The following ARHGAP18 variants were observed in gnomAD, a reference collection of about 807,000 sequenced individuals.
ARHGAP18 encodes the protein Rho GTPase activating protein 18.
ARHGAP18 carries 67 observed loss-of-function variants against 86.2 expected under a neutral mutation model. The observed-to-expected ratio is 0.78, with a 90% CI of 0.64 to 0.95. The LOEUF is 0.95. Ranked by LOEUF, ARHGAP18 falls within the 40% of genes least tolerant of loss-of-function variation. ARHGAP18 has a pLI of 0.00. For missense variants in ARHGAP18, 691 were observed against 780.4 expected, an observed-to-expected ratio of 0.89 and a Z score of 1.37; for synonymous variants, 283 against 280.4, an observed-to-expected ratio of 1.01 and a Z score of -0.09.
intron 10 of ARHGAP18, among the ~76,000 whole-genome samples, chr6:129,602,276 A>C (rs529814391): frequency 1.3e-5 from 2 of 152,280 alleles, no homozygotes; most frequent in East Asian, 3.9e-4. Context: ...TCAGAAAACA[A>C]TGTTTGGAGA....
chr6:129,643,527 C>T (rs975483743), intron 1 of ARHGAP18, among the ~76,000 whole-genome samples: 36 of 152,288 alleles, frequency 2.4e-4, no homozygotes, highest in African/African-American at 6.5e-4. Flanking sequence ...AACCTCTTCC[C>T]TTTACAAATT....
intron 1 of ARHGAP18, among the ~76,000 whole-genome samples, chr6:129,662,774 T>C (rs1021229242): frequency 2.0e-5 from 3 of 152,222 alleles, no homozygotes; most frequent in African/African-American, 7.2e-5. Context: ...CACATTAGGC[T>C]AAACTGAATG....
intron 12 of ARHGAP18, among the ~76,000 whole-genome samples, chr6:129,590,335 C>G (rs935531888): frequency 8.5e-5 from 13 of 152,162 alleles, no homozygotes; most frequent in African/African-American, 3.1e-4. Context: ...AGGACTTGCA[C>G]AGAAAGCACC....
At chr6:129,646,775 T>C (rs1203836757) in intron 1 of ARHGAP18, among the ~76,000 whole-genome samples, 1 of 152,326 alleles carries the variant, frequency 6.6e-6, no homozygotes, top group East Asian at 1.9e-4. Flanking sequence ...GAAACTCCAC[T>C]GTATTCTCAT....
chr6:129,642,126 C>T (rs1485064265), intron 1 of ARHGAP18, 108 bp from the exon 2 acceptor site: 1 of 951,988 alleles, frequency 1.1e-6, no homozygotes, highest in Non-Finnish European at 1.6e-6. Context: ...CTTAAGTTAT[C>T]CTTAATAAAA....
At chr6:129,649,308 C>G (rs1410019739) in intron 1 of ARHGAP18, among the ~76,000 whole-genome samples, 1 of 152,290 alleles carries the variant, frequency 6.6e-6, no homozygotes, top group Non-Finnish European at 1.5e-5. Context: ...GTAATCCCAG[C>G]ACTTCGGGAG....
intron 8 of ARHGAP18, among the ~76,000 whole-genome samples, 166 bp downstream of exon 8, chr6:129,611,367 G>T (rs1024370983): frequency 2.6e-5 from 4 of 152,164 alleles, no homozygotes; most frequent in African/African-American, 9.7e-5. Flanking sequence ...GCAAAAACCA[G>T]AAGGGACTGT....
chr6:129,652,925 A>G (rs1163803215), intron 1 of ARHGAP18, among the ~76,000 whole-genome samples: 2 of 152,236 alleles, frequency 1.3e-5, no homozygotes, highest in Non-Finnish European at 2.9e-5. Context: ...CTTATTTCCT[A>G]TAGCAAATAT....
At chr6:129,611,425 T>G in intron 8 of ARHGAP18, 108 bp downstream of exon 8, 3 of 854,354 alleles carry the variant, frequency 3.5e-6, no homozygotes, top group Non-Finnish European at 5.5e-6. Context: ...TTATTTTATC[T>G]ACTTTACTAA....
intron 3 of ARHGAP18, among the ~76,000 whole-genome samples, chr6:129,634,856 C>A (rs1773298843): frequency 6.6e-6 from 1 of 150,380 alleles, no homozygotes; most frequent in African/African-American, 2.5e-5. Flanking sequence ...TATAAAAGTA[C>A]ATGTCCCTAA....
intron 1 of ARHGAP18, among the ~76,000 whole-genome samples, chr6:129,670,061 T>G (rs1293718942): frequency 2.0e-5 from 3 of 152,228 alleles, no homozygotes; most frequent in Non-Finnish European, 4.4e-5. Flanking sequence ...TTTGTATAAT[T>G]TTTCTCCTCA....
chr6:129,634,075 T>G lies in ARHGAP18; in HGVS notation c.583A>C (p.Arg195=), dbSNP rs1293503473. 2 of 1,613,452 alleles carry G rather than the reference T, an allele frequency of 1.2e-6. No individual in the cohort carries two copies. The highest frequency in any genetic ancestry group is 2.2e-5 in the South Asian group (2 of 91,034). The part of the protein sequence containing the change: ...APGGTESQSL[R]TNENKYQGRD... ...CCTTGGTATTTGTTTTCATTTGTTC[T>G]AAGTGACTGCGATTCAGTGCCACCT... is the stretch of plus-strand genomic sequence containing the variant. The change falls in exon 4 of 15, where the codon AGA becomes CGA. Residue 195 remains arginine, a synonymous_variant. Coordinates refer to ENST00000368149, the MANE Select transcript of ARHGAP18 (RefSeq NM_033515.3).
At chr6:129,689,398 C>A (rs1038805497) in intron 1 of ARHGAP18, among the ~76,000 whole-genome samples, 5 of 152,106 alleles carry the variant, frequency 3.3e-5, no homozygotes, top group African/African-American at 1.2e-4. Context: ...GGTCAAGCAA[C>A]TCTCCTGCCT....
At chr6:129,625,698 A>G (rs1363523441) in intron 5 of ARHGAP18, among the ~76,000 whole-genome samples, 2 of 60,312 alleles carry the variant, frequency 3.3e-5, no homozygotes, top group Non-Finnish European at 6.0e-5. Flanking sequence ...TATATTATAT[A>G]TTTATATATT....
intron 1 of ARHGAP18, among the ~76,000 whole-genome samples, chr6:129,652,697 T>C (rs1211858337): frequency 6.6e-6 from 1 of 152,196 alleles, no homozygotes; most frequent in African/African-American, 2.4e-5. Flanking sequence ...AGAAAAGTAT[T>C]TAAATATCAT....
At chr6:129,625,947 T>TTTATATA (rs1365540094) in intron 5 of ARHGAP18, among the ~76,000 whole-genome samples, 1 of 62,620 alleles carries the variant, frequency 1.6e-5, no homozygotes, top group African/African-American at 5.0e-5. Flanking sequence ...ATATTATATA[T>TTTATATA]TTATATATTA....
rs71028176 is a variant in ARHGAP18 at position 129,686,978 on chromosome 6, C to CTTTTTTTTTTTT, written c.113+23034_113+23045dup. Among the ~76,000 whole-genome samples, 850 of 106,840 alleles carry CTTTTTTTTTTTT rather than the reference C, an allele frequency of 8.0e-3. 1 individual carries two copies. The highest frequency in any genetic ancestry group is 0.018 in the East Asian group (69 of 3,800). The allele number at this position is 106,840 out of a possible 152,430, so 70.1% of individuals were successfully genotyped here. On this transcript the variant is annotated intron_variant, in intron 1 of 14. Transcript: ENST00000368149. ...GCTAATTTTTTTTTCTTTTTTTTTT[C>CTTTTTTTTTTTT]TTTTTTTTTTTTTTTTTTGTATTTT...
chr6:129,628,023 G>A (rs1428440380), intron 5 of ARHGAP18, among the ~76,000 whole-genome samples: 3 of 152,096 alleles, frequency 2.0e-5, no homozygotes, highest in Non-Finnish European at 4.4e-5. Context: ...TTGGCCATGG[G>A]CTAATGAATG....
At chr6:129,654,040 C>A (rs1311275383) in intron 1 of ARHGAP18, among the ~76,000 whole-genome samples, 1 of 152,090 alleles carries the variant, frequency 6.6e-6, no homozygotes, top group Non-Finnish European at 1.5e-5. Flanking sequence ...GAGACCCTGT[C>A]TGGAAAAACA....
Sources: gnomAD v4.1 joint callset for allele counts (sites outside exome capture counted in the v4.1 genomes callset) on GRCh38, gnomAD v4.1.1 for gene constraint, MANE v1.5 for transcripts, NCBI Gene and HGNC (gene_info 2026-07-23, HGNC 2026-07-21) for gene names.